UGGT1: variants seen among roughly 807,000 people sequenced by gnomAD.
UGGT1 encodes the protein UDP-glucose glycoprotein glucosyltransferase 1.
In UGGT1, 107 loss-of-function variants were observed where a neutral mutation model predicts 203.9. That is an observed-to-expected ratio of 0.52 (90% CI 0.45 to 0.62). The LOEUF (loss-of-function observed/expected upper bound fraction) is 0.62. Among genes scored for constraint, UGGT1 ranks in the 20% least tolerant of loss-of-function variants. UGGT1 has a pLI of 0.00. For synonymous variants in UGGT1, 628 were observed against 653.5 expected, an observed-to-expected ratio of 0.96 and a Z score of 0.59; for missense variants, 1,673 against 1,867.2, an observed-to-expected ratio of 0.90 and a Z score of 1.92.
At chr2:128,130,968 C>G (rs1034698438) in intron 13 of UGGT1, among the ~76,000 whole-genome samples, 1 of 152,080 alleles carries the variant, frequency 6.6e-6, no homozygotes, top group Non-Finnish European at 1.5e-5. Flanking sequence ...CACAGTGGCT[C>G]ACGCCTGTAA....
In UGGT1 at chr2:128,178,512, A is replaced by G. The variant is rs1393554235; in HGVS notation, c.3758A>G (p.Asp1253Gly). 3 of 1,613,896 alleles carry G rather than the reference A, an allele frequency of 1.9e-6. No homozygotes were observed. The highest frequency in any genetic ancestry group is 3.3e-5 in the Admixed American group (2 of 60,024). ...QKTEEVKQDK[D>G]DIINIFSVAS... is the part of the protein sequence containing the mutation. ...ACTGAGGAAGTGAAGCAAGATAAAG[A>G]TGACATAATTAATATTTTCTCCGTT... Residue 1253 changes from aspartate (D) to glycine (G), a missense_variant, in exon 34 of 41, where the codon GAT (aspartate) becomes GGT (glycine). By Grantham distance (94) the Asp-to-Gly change is moderately conservative. Coordinates refer to ENST00000259253, the MANE Select transcript of UGGT1 (RefSeq NM_020120.4).
At position 128,172,663 on chromosome 2, in the gene UGGT1, T is replaced by G; in HGVS notation, c.3195T>G (p.Pro1065=). Residue 1065 remains proline (P), a synonymous_variant, in exon 29 of 41, where the codon CCT becomes CCG. Coordinates refer to ENST00000259253, the MANE Select transcript of UGGT1 (RefSeq NM_020120.4). ...CAATCGCAAAATTTTTGGATATGCCTCAGTCTCCACTGTTCACTCTGAATT... is the reference window on the plus strand; with the variant it reads ...CAATCGCAAAATTTTTGGATATGCCGCAGTCTCCACTGTTCACTCTGAATT... ...KGPIAKFLDM[P]QSPLFTLNLN... 1.2e-6 allele frequency: 2 copies of G among 1,614,144 alleles called. No individual in the cohort carries two copies. The highest frequency in any genetic ancestry group is 8.5e-7 in the Non-Finnish European group (1 of 1,179,994).
intron 2 of UGGT1, among the ~76,000 whole-genome samples, chr2:128,100,713 C>T (rs1327598582): frequency 3.9e-5 from 6 of 152,004 alleles, no homozygotes; most frequent in African/African-American, 7.3e-5. Context: ...TGAGCCACCG[C>T]GCCAGGCCTC....
intron 31 of UGGT1, 84 bp from the exon 32 acceptor site, chr2:128,176,730 G>C: frequency 7.8e-7 from 1 of 1,282,246 alleles, no homozygotes; most frequent in Non-Finnish European, 1.1e-6. Context: ...TTATGAGAAG[G>C]ATGATGGACT....
intron 26 of UGGT1, among the ~76,000 whole-genome samples, chr2:128,166,367 G>A (rs2104763945): frequency 6.6e-6 from 1 of 152,296 alleles, no homozygotes; most frequent in South Asian, 2.1e-4. Flanking sequence ...ACATCCTGAT[G>A]TAACATGTCT....
chr2:128,106,961 G>A (rs1160532312), intron 3 of UGGT1, among the ~76,000 whole-genome samples: 4 of 152,140 alleles, frequency 2.6e-5, no homozygotes, highest in African/African-American at 7.2e-5. Flanking sequence ...GGGATTACAA[G>A]CAAGAGCCAC....
rs562069539 is a variant in UGGT1 at position 128,158,217 on chromosome 2, T to A, written c.2355+871T>A. Among the ~76,000 whole-genome samples the A allele has an allele frequency of 2.0e-5, 3 of 152,238 alleles. 1 individual carries two copies. Among genetic ancestry groups the A allele is most frequent in the South Asian group, 4.1e-4 (2 of 4,822 alleles). The stretch of plus-strand genomic sequence containing the variant: ...AATGGGGAAGGAGAGTTGCATTTTT[T>A]AATAACTATTTTAATTGAAGTAAAA... On this transcript the variant is annotated intron_variant, in intron 22 of 40. Transcript: ENST00000259253.
Position 128,179,796 on chromosome 2 carries a change from C to G in UGGT1, c.3826C>G (p.Leu1276Val). 1 of 1,612,688 alleles carries G rather than the reference C, an allele frequency of 6.2e-7. No homozygotes were observed. Among genetic ancestry groups the G allele is most frequent in the Non-Finnish European group, 8.5e-7 (1 of 1,179,616 alleles). Residue 1276 changes from leucine to valine, a missense_variant, in exon 35 of 41, where the codon CTA (leucine) becomes GTA (valine). By Grantham distance (32) the Leu-to-Val change is conservative. This residue lies in a region of UGGT1 where 513 missense variants were observed against 684.1 expected (regional missense o/e 0.75). Transcript: ENST00000259253. ...LYERFLRIMMLSVLKNTKTPV... is the reference protein window; with the variant it reads ...LYERFLRIMMVSVLKNTKTPV... ...GCTTTTGTTTGGCAGCATAATGATG[C>G]TATCCGTGCTGAAGAATACCAAGAC...
At chr2:128,137,727 A>G (rs1689197703) in intron 15 of UGGT1, among the ~76,000 whole-genome samples, 1 of 152,254 alleles carries the variant, frequency 6.6e-6, no homozygotes, top group Non-Finnish European at 1.5e-5. Flanking sequence ...TTTGTGAAAG[A>G]TATAAAGTCT....
chr2:128,186,855 C>G (rs1477220655), intron 39 of UGGT1, 56 bp downstream of exon 39: 2 of 1,199,844 alleles, frequency 1.7e-6, no homozygotes, highest in South Asian at 1.5e-5. Flanking sequence ...GTGAGTGAAT[C>G]ACGATTAATG....
At chr2:128,150,999 C>T (rs562781692) in intron 18 of UGGT1, among the ~76,000 whole-genome samples, 14 of 151,996 alleles carry the variant, frequency 9.2e-5, no homozygotes, top group South Asian at 8.3e-4. Context: ...TACAGGCGCC[C>T]GCCACCATGC....
intron 32 of UGGT1, among the ~76,000 whole-genome samples, 158 bp from the exon 33 acceptor site, chr2:128,177,674 A>G (rs576487135): frequency 2.6e-5 from 4 of 152,298 alleles, no homozygotes; most frequent in East Asian, 3.9e-4. Context: ...AGATACTTCT[A>G]TTGAATCCTT....
At chr2:128,142,545 A>C (rs1325827755) in intron 16 of UGGT1, among the ~76,000 whole-genome samples, 1 of 149,926 alleles carries the variant, frequency 6.7e-6, no homozygotes, top group Non-Finnish European at 1.5e-5. Context: ...AGATTGTGCC[A>C]CTGCACTCCA....
At position 128,161,282 on chromosome 2, in the gene UGGT1, T is replaced by C. The variant is rs191584877; in HGVS notation, c.2825+14T>C. On this transcript the variant is annotated intron_variant, in intron 25 of 40. Coordinates refer to ENST00000259253, the MANE Select transcript of UGGT1 (RefSeq NM_020120.4). The stretch of plus-strand genomic sequence containing the variant: ...AGAAGAAGATGTGTAAGTTTTGCCA[T>C]AGGAGGAATTACAGGGGTTATATAA... The C allele has an allele frequency of 3.1e-6, 5 of 1,612,008 alleles. No individual in the cohort carries two copies. The highest frequency in any genetic ancestry group is 4.2e-6 in the Non-Finnish European group (5 of 1,179,256).
At chr2:128,169,207 A>G (rs1414748546) in intron 26 of UGGT1, among the ~76,000 whole-genome samples, 1 of 150,902 alleles carries the variant, frequency 6.6e-6, no homozygotes, top group East Asian at 2.0e-4. Flanking sequence ...CCGTATCTCT[A>G]CAAAAAAATA....
Position 128,179,818 on chromosome 2 carries a change from A to G in UGGT1, c.3848A>G (p.Lys1283Arg). ...ATGCTATCCGTGCTGAAGAATACCA[A>G]GACTCCTGTGAAATTCTGGTTCTTG... Reference protein sequence around the residue: ...IMMLSVLKNTKTPVKFWFLKN... With the variant: ...IMMLSVLKNTRTPVKFWFLKN... The change falls in exon 35 of 41, where the codon AAG becomes AGG. Residue 1283 changes from lysine to arginine, a missense_variant. Coordinates refer to ENST00000259253, the MANE Select transcript of UGGT1 (RefSeq NM_020120.4). 2.5e-6 allele frequency: 4 copies of G among 1,614,072 alleles called. No individual in the cohort carries two copies. Among genetic ancestry groups the G allele is most frequent in the Non-Finnish European group, 3.4e-6 (4 of 1,180,006 alleles).
intron 18 of UGGT1, among the ~76,000 whole-genome samples, chr2:128,151,808 C>T (rs1215880496): frequency 1.3e-5 from 2 of 152,030 alleles, no homozygotes; most frequent in Non-Finnish European, 2.9e-5. Flanking sequence ...GAGGTCAAGG[C>T]TGCAGTGAGC....
At chr2:128,188,775 G>A (rs555144564) in intron 40 of UGGT1, among the ~76,000 whole-genome samples, 56 of 152,268 alleles carry the variant, frequency 3.7e-4, no homozygotes, top group African/African-American at 1.3e-3. Context: ...TCCAGCCTAG[G>A]TAACAGAGAG....
chr2:128,169,164 A>AGTTTGAGACTAGTCTGG (rs1362654215), intron 26 of UGGT1, among the ~76,000 whole-genome samples: 1 of 143,996 alleles, frequency 6.9e-6, no homozygotes, highest in Non-Finnish European at 1.5e-5. Flanking sequence ...TGAGGCCAGG[A>AGTTTGAGACTAGTCTGG]GTTTGAGACT....
Sources: gnomAD v4.1 joint callset for allele counts (sites outside exome capture counted in the v4.1 genomes callset) on GRCh38, gnomAD v4.1.1 for gene constraint, gnomAD v4.1.1 regional missense constraint, MANE v1.5 for transcripts, NCBI Gene and HGNC (gene_info 2026-07-23, HGNC 2026-07-21) for gene names.